The following FSTL5 variants were observed in gnomAD, a reference collection of about 807,000 sequenced individuals.
FSTL5 encodes follistatin like 5, also known as follistatin-related protein 5.
Under a neutral mutation model 89.1 loss-of-function variants are expected in FSTL5, and 62 were observed. The observed-to-expected ratio is 0.70, with a 90% confidence interval of 0.57 to 0.86. FSTL5 has a LOEUF of 0.86. FSTL5 is among the 40% of genes least tolerant of loss of function. FSTL5 has a pLI of 0.00. For synonymous variants in FSTL5, 383 were observed against 346.2 expected (o/e 1.11, Z -1.18); for missense variants, 1,057 against 1,001.6 (o/e 1.06, Z -0.75).
At chr4:161,421,400 A>G (rs1003650784) in intron 15 of FSTL5, among the ~76,000 whole-genome samples, 1 of 152,134 alleles carries the variant, frequency 6.6e-6, no homozygotes, top group Non-Finnish European at 1.5e-5. Flanking sequence ...GCGTGTATCA[A>G]AGACATTATT....
intron 8 of FSTL5, among the ~76,000 whole-genome samples, chr4:161,566,836 A>G (rs897408708): frequency 1.2e-4 from 18 of 152,122 alleles, no homozygotes; most frequent in African/African-American, 4.3e-4. Context: ...AACTCATAAA[A>G]GCCTAGGTAT....
At chr4:161,558,652 C>T (rs1356931946) in intron 8 of FSTL5, among the ~76,000 whole-genome samples, 3 of 151,822 alleles carry the variant, frequency 2.0e-5, no homozygotes, top group Non-Finnish European at 4.4e-5. Context: ...TAGTTCACTG[C>T]TATTCCACAC....
At chr4:162,047,887 T>C (rs1738247173) in intron 2 of FSTL5, among the ~76,000 whole-genome samples, 1 of 152,104 alleles carries the variant, frequency 6.6e-6, no homozygotes, top group Admixed American at 6.6e-5. Context: ...CCATATAGTA[T>C]GTCCTTAAAA....
intron 12 of FSTL5, among the ~76,000 whole-genome samples, chr4:161,496,698 A>G (rs574746727): frequency 4.1e-4 from 63 of 152,202 alleles, no homozygotes; most frequent in African/African-American, 1.2e-3. Context: ...GGCAAACCCT[A>G]CAAATTTTGG....
chr4:161,921,431 T>C (rs1733992594), intron 3 of FSTL5, among the ~76,000 whole-genome samples: 1 of 152,168 alleles, frequency 6.6e-6, no homozygotes, highest in Admixed American at 6.6e-5. Flanking sequence ...TTCCTTATGC[T>C]TTTCTAGGCA....
At chr4:162,104,737 T>G (rs1271746750) in intron 2 of FSTL5, among the ~76,000 whole-genome samples, 1 of 152,144 alleles carries the variant, frequency 6.6e-6, no homozygotes, top group Non-Finnish European at 1.5e-5. Context: ...CTATCACTAC[T>G]CATGAAACTA....
intron 15 of FSTL5, among the ~76,000 whole-genome samples, chr4:161,402,678 A>G (rs1225462451): frequency 6.6e-6 from 1 of 152,156 alleles, no homozygotes; most frequent in Non-Finnish European, 1.5e-5. Context: ...AGCAATTGCA[A>G]CACCTTTTAT....
chr4:162,123,766 A>T (rs2111439544), intron 1 of FSTL5, among the ~76,000 whole-genome samples: 1 of 152,296 alleles, frequency 6.6e-6, no homozygotes, highest in Admixed American at 6.5e-5. Context: ...TTTCAGCAAG[A>T]GACATATAAC....
intron 8 of FSTL5, among the ~76,000 whole-genome samples, chr4:161,561,993 A>G (rs1195076322): frequency 6.6e-6 from 1 of 152,016 alleles, no homozygotes; most frequent in Non-Finnish European, 1.5e-5. Flanking sequence ...CATGGCATGC[A>G]TCTGGTTCTG....
rs1410022683 is a variant in FSTL5, at chr4:161,759,492, A to C, written c.646T>G (p.Cys216Gly). 1 of 1,584,736 alleles carries C rather than the reference A, an allele frequency of 6.3e-7. No homozygotes were observed. Among genetic ancestry groups the C allele is most frequent in the South Asian group, 1.2e-5 (1 of 85,936 alleles). ...TATTTCAATAGAACATACAAAGTACAATCAAAGAGATCCTTGCCAAGTTCT... is the reference window on the plus strand; with the variant it reads ...TATTTCAATAGAACATACAAAGTACCATCAAAGAGATCCTTGCCAAGTTCT... ...QEELGKDLFD[C>G]TLYVLLKYDD... Residue 216 changes from cysteine to glycine, a missense_variant, in exon 6 of 16, where the codon TGT becomes GGT. Coordinates refer to ENST00000306100, the MANE Select transcript of FSTL5 (RefSeq NM_020116.5).
At chr4:161,423,857 A>AT (rs1553984890) in intron 15 of FSTL5, among the ~76,000 whole-genome samples, 3 of 149,798 alleles carry the variant, frequency 2.0e-5, no homozygotes, top group Non-Finnish European at 4.4e-5. Flanking sequence ...ATTTTATTTT[A>AT]TTTATTTTAT....
chr4:161,555,585 T>C (rs185953693), intron 8 of FSTL5, among the ~76,000 whole-genome samples: 175 of 151,700 alleles, frequency 1.2e-3, no homozygotes, highest in Admixed American at 4.4e-3. Flanking sequence ...AACCTCCTCC[T>C]AAGCAGAAAA....
intron 7 of FSTL5, among the ~76,000 whole-genome samples, chr4:161,645,476 T>A (rs1736121090): frequency 6.6e-6 from 1 of 152,152 alleles, no homozygotes; most frequent in African/African-American, 2.4e-5. Flanking sequence ...AAATACGTTT[T>A]AAATTACTGA....
chr4:161,721,900 G>A (rs1307657253), intron 6 of FSTL5, among the ~76,000 whole-genome samples: 2 of 152,172 alleles, frequency 1.3e-5, no homozygotes, highest in African/African-American at 4.8e-5. Context: ...GTTTTAAGAA[G>A]CATAACTAGG....
intron 1 of FSTL5, among the ~76,000 whole-genome samples, chr4:162,123,830 A>G (rs1731962858): frequency 6.6e-6 from 1 of 151,972 alleles, no homozygotes; most frequent in Non-Finnish European, 1.5e-5. Context: ...CAACAGGTAA[A>G]AGATTTTTTT....
At chr4:162,115,113 A>G (rs372423123) in intron 1 of FSTL5, among the ~76,000 whole-genome samples, 26 of 152,162 alleles carry the variant, frequency 1.7e-4, no homozygotes, top group East Asian at 1.2e-3. Context: ...TGCAGAGGTA[A>G]TAGCCAAAAA....
At chr4:162,042,836 T>C (rs1738018678) in intron 2 of FSTL5, among the ~76,000 whole-genome samples, 1 of 150,940 alleles carries the variant, frequency 6.6e-6, no homozygotes, top group Non-Finnish European at 1.5e-5. Context: ...CTCAGTAAAC[T>C]ATCACAAGAA....
intron 3 of FSTL5, among the ~76,000 whole-genome samples, chr4:162,031,789 T>G (rs1037127223): frequency 4.6e-5 from 7 of 151,988 alleles, no homozygotes; most frequent in African/African-American, 1.7e-4. Flanking sequence ...TACAAAAACA[T>G]TAGCTGGTCG....
intron 3 of FSTL5, among the ~76,000 whole-genome samples, chr4:161,927,567 A>C (rs2110884135): frequency 6.6e-6 from 1 of 151,840 alleles, no homozygotes; most frequent in African/African-American, 2.4e-5. Flanking sequence ...GCTGCTAGAA[A>C]AGGAATATTA....
Sources: gnomAD v4.1 joint callset for allele counts (sites outside exome capture counted in the v4.1 genomes callset) on GRCh38, gnomAD v4.1.1 for gene constraint, MANE v1.5 for transcripts, NCBI Gene and HGNC (gene_info 2026-07-23, HGNC 2026-07-21) for gene names.